CDC42BPA: variants seen among roughly 807,000 people sequenced by gnomAD.
CDC42BPA encodes the protein CDC42 binding protein kinase alpha.
CDC42BPA carries 80 observed loss-of-function variants against 223.5 expected under a neutral mutation model. The ratio of observed to expected loss-of-function variants is 0.36; its 90% CI spans 0.30 to 0.43. The LOEUF is 0.43. Among genes scored for constraint, CDC42BPA ranks in the 20% least tolerant of loss-of-function variants. CDC42BPA has a pLI of 1.00. For synonymous variants in CDC42BPA, 694 were observed against 718.6 expected (o/e 0.97, Z 0.55); for missense variants, 1,743 against 2,099.9 (o/e 0.83, Z 3.32).
intron 2 of CDC42BPA, among the ~76,000 whole-genome samples, chr1:227,218,634 G>A (rs1015597629): frequency 9.9e-5 from 15 of 152,146 alleles, no homozygotes; most frequent in African/African-American, 3.6e-4. Flanking sequence ...TCTGATAAGA[G>A]AGCTAGTATA....
intron 2 of CDC42BPA, among the ~76,000 whole-genome samples, chr1:227,221,286 T>C (rs970289052): frequency 6.6e-6 from 1 of 152,326 alleles, no homozygotes. Flanking sequence ...ACTTATATTA[T>C]CTATTCCAAA....
intron 24 of CDC42BPA, among the ~76,000 whole-genome samples, chr1:227,036,721 C>T (rs919682175): frequency 2.0e-5 from 3 of 152,094 alleles, no homozygotes; most frequent in Non-Finnish European, 4.4e-5. Context: ...TGAGCCACCG[C>T]GCCCGGCCTT....
At chr1:227,071,430 C>T (rs1443529655) in intron 20 of CDC42BPA, among the ~76,000 whole-genome samples, 1 of 151,796 alleles carries the variant, frequency 6.6e-6, no homozygotes, top group African/African-American at 2.4e-5. Flanking sequence ...TAAATCTTCA[C>T]TTTCTTAACA....
intron 14 of CDC42BPA, among the ~76,000 whole-genome samples, chr1:227,108,409 GT>G (rs79626494): frequency 2.7e-4 from 40 of 149,576 alleles, no homozygotes; most frequent in Admixed American, 1.6e-3. Flanking sequence ...AGCATTCCAG[GT>G]TTTTTTTTTC....
intron 6 of CDC42BPA, among the ~76,000 whole-genome samples, chr1:227,159,127 C>T (rs1572043036): frequency 6.6e-6 from 1 of 152,166 alleles, no homozygotes; most frequent in East Asian, 1.9e-4. Context: ...CAATTTAATC[C>T]CTCTATCATG....
rs1674252063 is a variant in CDC42BPA at position 227,213,265 on chromosome 1, A to AT, written c.271-47dup. The AT allele has an allele frequency of 3.0e-6, 3 of 1,016,628 alleles. 1 individual carries two copies. The South Asian group carries it at 4.7e-5, about 16-fold the overall frequency. The allele number at this position is 1,016,628 out of a possible 1,614,324, so 63.0% of individuals were successfully genotyped here. On this transcript the variant is annotated intron_variant, in intron 2 of 36. Coordinates refer to ENST00000366766, the MANE Select transcript of CDC42BPA (RefSeq NM_001394014.1). ...ATAAATTTTAAAATAATGACAAATA[A>AT]TTTTTTCAGCCATCCATTTTCCTTT...
chr1:227,025,581 T>G (rs1668115098), intron 31 of CDC42BPA, among the ~76,000 whole-genome samples: 1 of 152,180 alleles, frequency 6.6e-6, no homozygotes. Flanking sequence ...AGAAAAATAT[T>G]ATGTTTTATT....
intron 1 of CDC42BPA, among the ~76,000 whole-genome samples, chr1:227,269,005 A>T (rs989952721): frequency 6.6e-6 from 1 of 152,052 alleles, no homozygotes; most frequent in Admixed American, 6.6e-5. Context: ...TTTTTATTTA[A>T]AAAAAAGTCT....
chr1:227,048,327 TATTA>T, intron 22 of CDC42BPA, among the ~76,000 whole-genome samples: 1 of 152,118 alleles, frequency 6.6e-6, no homozygotes, highest in Admixed American at 6.6e-5. Context: ...AATATGAGGA[TATTA>T]ATTTTTACAT....
chr1:227,090,840 A>T (rs554127425), intron 16 of CDC42BPA, among the ~76,000 whole-genome samples: 1 of 152,182 alleles, frequency 6.6e-6, no homozygotes, highest in Non-Finnish European at 1.5e-5. Flanking sequence ...TCTGGTTAAT[A>T]TTAGGATTTT....
intron 21 of CDC42BPA, among the ~76,000 whole-genome samples, chr1:227,058,108 T>C (rs1005414419): frequency 1.4e-4 from 22 of 152,190 alleles, no homozygotes; most frequent in African/African-American, 5.1e-4. Context: ...ATCTAATGGT[T>C]TTAAGTCTCT....
intron 1 of CDC42BPA, among the ~76,000 whole-genome samples, chr1:227,276,953 C>T (rs1687193324): frequency 6.6e-6 from 1 of 151,958 alleles, no homozygotes; most frequent in African/African-American, 2.4e-5. Flanking sequence ...GCCGCAGGGT[C>T]CTCTGCCTAG....
At chr1:227,139,505 A>G in intron 10 of CDC42BPA, 71 bp downstream of exon 10, 1 of 1,012,132 alleles carries the variant, frequency 9.9e-7, no homozygotes, top group Non-Finnish European at 1.4e-6. Context: ...TAAAACAACC[A>G]CTTATAATAA....
chr1:227,148,925 G>C (rs1269173977), intron 6 of CDC42BPA, among the ~76,000 whole-genome samples: 1 of 152,002 alleles, frequency 6.6e-6, no homozygotes, highest in African/African-American at 2.4e-5. Context: ...GAGATGAGTA[G>C]GGTTGGGGAA....
chr1:227,082,507 G>T (rs1680906273), intron 16 of CDC42BPA, among the ~76,000 whole-genome samples: 1 of 151,922 alleles, frequency 6.6e-6, no homozygotes, highest in Non-Finnish European at 1.5e-5. Flanking sequence ...GAGGTCAGGA[G>T]ATCGAGGCCA....
intron 5 of CDC42BPA, among the ~76,000 whole-genome samples, chr1:227,176,499 T>C (rs946654887): frequency 2.0e-5 from 3 of 152,202 alleles, no homozygotes; most frequent in Non-Finnish European, 4.4e-5. Flanking sequence ...TTTATATAAA[T>C]TCTCCCAATT....
At chr1:227,080,405 A>G (rs944756705) in intron 17 of CDC42BPA, among the ~76,000 whole-genome samples, 2 of 152,198 alleles carry the variant, frequency 1.3e-5, no homozygotes, top group Non-Finnish European at 2.9e-5. Flanking sequence ...AAGAGCTGAT[A>G]AAACTAAAAT....
chr1:227,167,107 A>G (rs576611751), intron 5 of CDC42BPA, among the ~76,000 whole-genome samples: 7 of 152,280 alleles, frequency 4.6e-5, no homozygotes, highest in Non-Finnish European at 8.8e-5. Flanking sequence ...ACAATACTAC[A>G]TAAGAATAAA....
rs921986942 is a variant in CDC42BPA, at chr1:227,308,849, CAGA to C, written c.178+8153_178+8155del. Among the ~76,000 whole-genome samples, 49 of 152,218 alleles carry C rather than the reference CAGA, an allele frequency of 3.2e-4. No homozygotes were observed. The Middle Eastern group carries it at 0.014, about 42-fold the overall frequency. On this transcript the variant is annotated intron_variant, in intron 1 of 36. Transcript: ENST00000366766. ...ATCACTATGAATAGACCAAATTAAA[CAGA>C]AGGTGTTTTTGTCTTTGATTAAGCC...
Sources: allele counts gnomAD v4.1 joint callset (sites outside exome capture counted in the v4.1 genomes callset), GRCh38; gene constraint gnomAD v4.1.1; transcripts MANE v1.5; gene names NCBI Gene and HGNC (gene_info 2026-07-23, HGNC 2026-07-21).